The following AFG3L2 variants were observed in gnomAD, a reference collection of about 807,000 sequenced individuals.
The protein encoded by AFG3L2 is mitochondrial inner membrane m-AAA protease component AFG3L2.
In AFG3L2, 54 loss-of-function variants were observed where a neutral mutation model predicts 94.5. That is an observed-to-expected ratio of 0.57 (90% confidence interval 0.46 to 0.72). The LOEUF is 0.72. Among genes scored for constraint, AFG3L2 ranks in the 30% least tolerant of loss-of-function variants. The pLI is 0.00. For synonymous variants in AFG3L2, 377 were observed against 365.5 expected, an observed-to-expected ratio of 1.03 and a Z score of -0.36; for missense variants, 754 against 994.9, an observed-to-expected ratio of 0.76 and a Z score of 3.26.
At chr18:12,351,058 A>G (rs1363777780) in intron 12 of AFG3L2, 27 bp downstream of exon 12, 1 of 1,611,980 alleles carries the variant, frequency 6.2e-7, no homozygotes, top group African/African-American at 1.3e-5. Flanking sequence ...ATGCTTCTAA[A>G]TAGGGTCCTC....
chr18:12,344,504 G>A lies in AFG3L2; in HGVS notation c.1664-257C>T, dbSNP rs570494447. On this transcript the variant is annotated intron_variant, in intron 13 of 16. Coordinates refer to ENST00000269143, the MANE Select transcript of AFG3L2 (RefSeq NM_006796.3). ...AGCCTGGCCAACATGGTGAAACCCCGTCTCTACTAAAAATACAAAATTAGC... is the reference window on the plus strand; with the variant it reads ...AGCCTGGCCAACATGGTGAAACCCCATCTCTACTAAAAATACAAAATTAGC... 1.2e-3 allele frequency among the ~76,000 whole-genome samples: 178 copies of A among 151,914 alleles called. 1 individual carries two copies. Among genetic ancestry groups the A allele is most frequent in the Middle Eastern group, 6.8e-3 (2 of 294 alleles).
chr18:12,335,979 A>C (rs1907730121), intron 16 of AFG3L2, among the ~76,000 whole-genome samples: 1 of 152,214 alleles, frequency 6.6e-6, no homozygotes, highest in Admixed American at 6.5e-5. Context: ...TGCCTTTGCA[A>C]AATTATAACA....
At chr18:12,345,906 T>C (rs1229113664) in intron 13 of AFG3L2, among the ~76,000 whole-genome samples, 3 of 152,218 alleles carry the variant, frequency 2.0e-5, no homozygotes, top group African/African-American at 4.8e-5. Context: ...CAACAATTCA[T>C]TGTTTACTGG....
chr18:12,367,263 T>C lies in AFG3L2; in HGVS notation c.399+13A>G, dbSNP rs1382151447. ...TCATAACCTCAAAATTCACACAATG[T>C]ATAGCATCAAACCTTCTGAAACCTG... On this transcript the variant is annotated intron_variant, in intron 4 of 16. Coordinates refer to ENST00000269143, the MANE Select transcript of AFG3L2 (RefSeq NM_006796.3). The C allele has an allele frequency of 6.2e-7, 1 of 1,614,106 alleles. No individual in the cohort carries two copies. Among genetic ancestry groups the C allele is most frequent in the South Asian group, 1.1e-5 (1 of 91,090 alleles).
rs80042666 is a variant in AFG3L2 at position 12,345,590 on chromosome 18, C to T, written c.1664-1343G>A. Reference sequence around the variant, plus strand: ...GGCTTACCTGTAAAAGCAAAGAAGCCTTCTTTCCCCACAGTTCACCTTAGG... The same window carrying T: ...GGCTTACCTGTAAAAGCAAAGAAGCTTTCTTTCCCCACAGTTCACCTTAGG... On this transcript the variant is annotated intron_variant, in intron 13 of 16. Transcript: ENST00000269143. Among the ~76,000 whole-genome samples, 642 of 152,296 alleles carry T rather than the reference C, an allele frequency of 4.2e-3. 1 individual carries two copies. The highest frequency in any genetic ancestry group is 6.2e-3 in the Non-Finnish European group (423 of 68,028).
intron 9 of AFG3L2, among the ~76,000 whole-genome samples, chr18:12,356,022 G>C (rs1277981859): frequency 6.6e-6 from 1 of 151,464 alleles, no homozygotes; most frequent in Non-Finnish European, 1.5e-5. Context: ...TTGTGGTGAT[G>C]GTTGCACAAA....
intron 15 of AFG3L2, among the ~76,000 whole-genome samples, chr18:12,339,541 A>G (rs1907871105): frequency 7.7e-6 from 1 of 129,526 alleles, no homozygotes; most frequent in Admixed American, 8.0e-5. Context: ...AACAAGAGCA[A>G]AACTCCAGAT....
chr18:12,332,647 C>G (rs2143087105), intron 16 of AFG3L2, among the ~76,000 whole-genome samples: 1 of 149,414 alleles, frequency 6.7e-6, no homozygotes, highest in East Asian at 1.9e-4. Context: ...TAAGAAAATC[C>G]CAGATGTCAT....
intron 8 of AFG3L2, among the ~76,000 whole-genome samples, chr18:12,357,871 T>A (rs577924378): frequency 1.3e-5 from 2 of 152,282 alleles, no homozygotes; most frequent in East Asian, 3.9e-4. Flanking sequence ...AGTGCTGGGA[T>A]TACAGGAGTG....
intron 9 of AFG3L2, 71 bp from the exon 10 acceptor site, chr18:12,353,229 A>G: frequency 6.3e-7 from 1 of 1,583,176 alleles, no homozygotes; most frequent in Non-Finnish European, 8.6e-7. Flanking sequence ...AAATGAAATA[A>G]ATCGGCCGGG....
At chr18:12,356,860 T>C in intron 8 of AFG3L2, 29 bp from the exon 9 acceptor site, 1 of 1,610,344 alleles carries the variant, frequency 6.2e-7, no homozygotes, top group Non-Finnish European at 8.5e-7. Context: ...AAATTACATT[T>C]AATGAGAATT....
chr18:12,343,834 G>A (rs891269282), intron 14 of AFG3L2: 1 of 471,138 alleles, frequency 2.1e-6, no homozygotes, highest in African/African-American at 2.0e-5. Flanking sequence ...AAACCCTTTG[G>A]CAAGAAAGCC....
At position 12,367,031 on chromosome 18, in the gene AFG3L2, C is replaced by A; in HGVS notation, c.486G>T (p.Leu162=). 1 of 1,614,188 alleles carries A rather than the reference C, an allele frequency of 6.2e-7. No homozygotes were observed. The highest frequency in any genetic ancestry group is 1.1e-5 in the South Asian group (1 of 91,086). ...TGATTTCTCTCCCGGATCTCTTGAG[C>A]AGCAAGTAAAACATGACTCCACCCC... ...LFWGGVMFYL[L]LKRSGREITW... is the part of the protein sequence containing the mutation. Residue 162 remains leucine (L), a synonymous_variant, in exon 5 of 17, where the codon CTG becomes CTT. Transcript: ENST00000269143.
chr18:12,331,189 G>A (rs191942423), intron 16 of AFG3L2, among the ~76,000 whole-genome samples: 14 of 152,242 alleles, frequency 9.2e-5, no homozygotes, highest in Non-Finnish European at 1.9e-4. Context: ...AGTCACATGC[G>A]AGCAGGTATG....
At chr18:12,347,394 G>A (rs546524061) in intron 13 of AFG3L2, among the ~76,000 whole-genome samples, 57 of 152,220 alleles carry the variant, frequency 3.7e-4, no homozygotes, top group Middle Eastern at 3.4e-3. Flanking sequence ...CCCTTCCTTT[G>A]AATGCCCAAG....
intron 12 of AFG3L2, 99 bp from the exon 13 acceptor site, chr18:12,348,482 G>C (rs1908215846): frequency 1.1e-6 from 1 of 873,992 alleles, no homozygotes; most frequent in South Asian, 1.4e-5. Context: ...TTTTAAATCA[G>C]CAGTACAATG....
At chr18:12,348,240 C>G in intron 13 of AFG3L2, 33 bp downstream of exon 13, 2 of 1,555,234 alleles carry the variant, frequency 1.3e-6, no homozygotes, top group Non-Finnish European at 8.9e-7. Context: ...ATTTTATCAG[C>G]CTTTCCACTT....
At chr18:12,355,713 A>G (rs7239360) in intron 9 of AFG3L2, among the ~76,000 whole-genome samples, 151,658 of 151,660 alleles carry the variant, frequency 1, 75,828 homozygotes, top group Middle Eastern at 1. Flanking sequence ...CTGTCACCCA[A>G]GCTGGAGTGC....
rs143550550 is a variant in AFG3L2, at chr18:12,354,320, T to C, written c.1165-1162A>G. 4.9e-3 allele frequency among the ~76,000 whole-genome samples: 740 copies of C among 152,236 alleles called. 9 individuals carry two copies. The highest frequency in any genetic ancestry group is 0.016 in the African/African-American group (684 of 41,540). On this transcript the variant is annotated intron_variant, in intron 9 of 16. Coordinates refer to ENST00000269143, the MANE Select transcript of AFG3L2 (RefSeq NM_006796.3). ...ATAGTACATCCATCCCATCCCGGCA[T>C]GAACAGGAACTCAGCCATTCCAGCA...
Sources: gnomAD v4.1 joint callset for allele counts (sites outside exome capture counted in the v4.1 genomes callset) on GRCh38, gnomAD v4.1.1 for gene constraint, MANE v1.5 for transcripts, NCBI Gene and HGNC (gene_info 2026-07-23, HGNC 2026-07-21) for gene names.